The following THSD7A variants were observed in gnomAD, a reference collection of about 807,000 sequenced individuals.
THSD7A encodes thrombospondin type 1 domain containing 7A, also known as thrombospondin type-1 domain-containing protein 7A.
Under a neutral mutation model 231.3 loss-of-function variants are expected in THSD7A, and 96 were observed. That is an observed-to-expected ratio of 0.41 (90% CI 0.35 to 0.49). The LOEUF (loss-of-function observed/expected upper bound fraction) is 0.49. Among genes scored for constraint, THSD7A ranks in the 20% least tolerant of loss-of-function variants. The probability of loss-of-function intolerance (pLI) is 0.05; values close to 1 mark genes in which losing one functional copy is unlikely to be tolerated. For missense variants in THSD7A, 2,290 were observed against 2,070.2 expected (o/e 1.11, Z -2.06); for synonymous variants, 940 against 743.3 (o/e 1.26, Z -4.30).
intron 6 of THSD7A, among the ~76,000 whole-genome samples, chr7:11,514,678 A>G (rs1327395930): frequency 6.6e-6 from 1 of 152,196 alleles, no homozygotes; most frequent in Non-Finnish European, 1.5e-5. Context: ...TTTAACATGC[A>G]TCAAATATTT....
At chr7:11,653,445 GAT>G (rs1203029145) in intron 1 of THSD7A, among the ~76,000 whole-genome samples, 2 of 99,116 alleles carry the variant, frequency 2.0e-5, no homozygotes, top group East Asian at 4.0e-4. Context: ...TCCACTCCCA[GAT>G]ATGTGTGTGT....
intron 1 of THSD7A, among the ~76,000 whole-genome samples, chr7:11,648,641 T>TGC (rs1554259673): frequency 2.0e-5 from 3 of 150,524 alleles, no homozygotes; most frequent in Non-Finnish European, 3.0e-5. Context: ...TTGTGGCGTG[T>TGC]GTGTGTGTGT....
intron 1 of THSD7A, among the ~76,000 whole-genome samples, chr7:11,681,192 G>T (rs1783855868): frequency 6.6e-6 from 1 of 151,904 alleles, no homozygotes; most frequent in East Asian, 1.9e-4. Context: ...CACACACTGG[G>T]GTCAGTCAGG....
chr7:11,612,849 A>G (rs911005756), intron 2 of THSD7A, among the ~76,000 whole-genome samples: 2 of 152,174 alleles, frequency 1.3e-5, no homozygotes, highest in Non-Finnish European at 2.9e-5. Flanking sequence ...TCTGATTATT[A>G]GTGAGGATGA....
chr7:11,460,908 A>C, intron 10 of THSD7A, 143 bp from the exon 11 acceptor site: 1 of 625,366 alleles, frequency 1.6e-6, no homozygotes, highest in Non-Finnish European at 2.8e-6. Context: ...TTTAATTTAG[A>C]TCTCCATCTA....
chr7:11,430,252 G>A (rs1252795700), intron 13 of THSD7A, among the ~76,000 whole-genome samples: 3 of 152,008 alleles, frequency 2.0e-5, no homozygotes, highest in Non-Finnish European at 4.4e-5. Context: ...CCCATGTTTT[G>A]GTTTTCAGTA....
chr7:11,504,483 T>TA (rs903383447), intron 6 of THSD7A, among the ~76,000 whole-genome samples: 27 of 151,996 alleles, frequency 1.8e-4, no homozygotes, highest in African/African-American at 5.8e-4. Context: ...AAACCTAAAA[T>TA]AAAAAAAATT....
intron 23 of THSD7A, among the ~76,000 whole-genome samples, chr7:11,388,125 G>C (rs1190580479): frequency 6.6e-6 from 1 of 151,742 alleles, no homozygotes; most frequent in Non-Finnish European, 1.5e-5. Flanking sequence ...GAGGATTTTC[G>C]CACCAATGTT....
At chr7:11,688,650 G>T (rs1024889528) in intron 1 of THSD7A, among the ~76,000 whole-genome samples, 1 of 151,784 alleles carries the variant, frequency 6.6e-6, no homozygotes, top group African/African-American at 2.4e-5. Context: ...AGATAAAGAG[G>T]TAACATGAGC....
At chr7:11,469,832 G>T in intron 9 of THSD7A, 47 bp downstream of exon 9, 1 of 1,339,154 alleles carries the variant, frequency 7.5e-7, no homozygotes, top group South Asian at 1.3e-5. Context: ...GAAGTCTACC[G>T]AGGAGGTTTT....
At chr7:11,737,421 G>A (rs1781954219) in intron 1 of THSD7A, among the ~76,000 whole-genome samples, 1 of 152,006 alleles carries the variant, frequency 6.6e-6, no homozygotes, top group African/African-American at 2.4e-5. Context: ...ATGGAGTAAG[G>A]AAGAAGACAG....
chr7:11,820,269 T>A (rs1462411469), intron 1 of THSD7A: 2 of 450,850 alleles, frequency 4.4e-6, no homozygotes, highest in Non-Finnish European at 7.6e-6. Context: ...CCAGCCATCT[T>A]TCCAGCACCT....
At chr7:11,535,385 C>T (rs1788872517) in intron 6 of THSD7A, among the ~76,000 whole-genome samples, 1 of 151,790 alleles carries the variant, frequency 6.6e-6, no homozygotes, top group African/African-American at 2.4e-5. Flanking sequence ...TTTTTATAGT[C>T]CAAAATAAAA....
intron 4 of THSD7A, among the ~76,000 whole-genome samples, chr7:11,544,767 TCTA>T (rs1418178931): frequency 6.6e-6 from 1 of 152,148 alleles, no homozygotes; most frequent in African/African-American, 2.4e-5. Context: ...TCTGCTTTTC[TCTA>T]CTAGTAGTGC....
intron 2 of THSD7A, among the ~76,000 whole-genome samples, chr7:11,607,240 A>G (rs1780763560): frequency 1.3e-5 from 2 of 152,140 alleles, no homozygotes. Flanking sequence ...CTTTTTCAAT[A>G]CTAATGAATG....
At chr7:11,758,275 G>C (rs1315636639) in intron 1 of THSD7A, among the ~76,000 whole-genome samples, 1 of 151,880 alleles carries the variant, frequency 6.6e-6, no homozygotes, top group African/African-American at 2.4e-5. Context: ...TCTATATTTG[G>C]TAATATGGTG....
intron 1 of THSD7A, among the ~76,000 whole-genome samples, chr7:11,813,883 T>G (rs1784604130): frequency 6.6e-6 from 1 of 152,140 alleles, no homozygotes; most frequent in Non-Finnish European, 1.5e-5. Flanking sequence ...TACATCAATG[T>G]TCATAGTAGC....
chr7:11,552,992 TTC>T (rs1367606987), intron 4 of THSD7A, among the ~76,000 whole-genome samples: 1 of 152,046 alleles, frequency 6.6e-6, no homozygotes, highest in African/African-American at 2.4e-5. Context: ...AGGGAGATGT[TTC>T]TCTTTCTCTT....
chr7:11,601,532 G>A (rs1259996519), intron 2 of THSD7A, among the ~76,000 whole-genome samples: 1 of 152,148 alleles, frequency 6.6e-6, no homozygotes, highest in Non-Finnish European at 1.5e-5. Flanking sequence ...AAGAGATGCA[G>A]CTCTTGTGGG....
Sources: allele counts gnomAD v4.1 joint callset (sites outside exome capture counted in the v4.1 genomes callset), GRCh38; gene constraint gnomAD v4.1.1; transcripts MANE v1.5; gene names NCBI Gene and HGNC (gene_info 2026-07-23, HGNC 2026-07-21).